Variants in TBP observed in about 807,000 individuals in gnomAD.
TBP encodes TATA-box binding protein.
TBP carries 12 observed loss-of-function variants against 46.2 expected under a neutral mutation model. The observed-to-expected ratio is 0.26, with a 90% CI of 0.17 to 0.42. The LOEUF (loss-of-function observed/expected upper bound fraction) is 0.42, where lower values mean the gene tolerates loss of function less well. TBP is among the 10% of genes least tolerant of loss of function. The pLI, the probability that TBP is intolerant of heterozygous loss-of-function variation, is 1.00. For synonymous variants in TBP, 157 were observed against 148.3 expected, an observed-to-expected ratio of 1.06 and a Z score of -0.42; for missense variants, 229 against 403.1, an observed-to-expected ratio of 0.57 and a Z score of 3.70.
At chr6:170,556,392 G>C (rs1015319604) in intron 1 of TBP, among the ~76,000 whole-genome samples, 6 of 151,546 alleles carry the variant, frequency 4.0e-5, no homozygotes, top group Non-Finnish European at 7.4e-5. Flanking sequence ...TTTCATTACA[G>C]TAGGAGCTTG....
intron 4 of TBP, among the ~76,000 whole-genome samples, chr6:170,565,611 T>C (rs1346764716): frequency 6.6e-6 from 1 of 152,272 alleles, no homozygotes; most frequent in Non-Finnish European, 1.5e-5. Flanking sequence ...TACATAATTT[T>C]ATTACTTTAC....
At position 170,561,973 on chromosome 6, in the gene TBP, G is replaced by GCAA; in HGVS notation, c.239_240insACA (p.Gln95dup). On this transcript the variant is annotated inframe_insertion, in exon 3 of 8. Coordinates refer to ENST00000392092, the MANE Select transcript of TBP (RefSeq NM_003194.5). Reference sequence around the variant, plus strand: ...AGCAACAGCAACAGCAGCAGCAGCAGCAGCAGCAGCAGCAGCAGCAGCAGC... The same window carrying GCAA: ...AGCAACAGCAACAGCAGCAGCAGCAGCAACAGCAGCAGCAGCAGCAGCAGCAGC... The GCAA allele has an allele frequency of 4.4e-6, 6 of 1,377,152 alleles. No individual in the cohort carries two copies. In the South Asian group the frequency reaches 8.0e-5, roughly 18 times the overall value. 85.3% of individuals were successfully genotyped at this position (1,377,152 alleles called of 1,614,324 possible).
At chr6:170,563,513 T>TCATAAGTGGA (rs1779187279) in intron 3 of TBP, among the ~76,000 whole-genome samples, 1 of 152,262 alleles carries the variant, frequency 6.6e-6, no homozygotes, top group Admixed American at 6.5e-5. Context: ...TTGGTATAGT[T>TCATAAGTGGA]CATAAGTGGA....
intron 5 of TBP, among the ~76,000 whole-genome samples, chr6:170,568,733 G>T (rs1779312577): frequency 6.8e-6 from 1 of 147,114 alleles, no homozygotes; most frequent in South Asian, 2.2e-4. Context: ...GATTACAGGT[G>T]TGAGCCACCG....
Position 170,561,958 on chromosome 6 carries a change from A to AGCAGCAGCAG in TBP, c.222_223insGCAGCAGCAG (p.Gln75AlafsTer106), listed in dbSNP as rs1779150506. On this transcript the variant is annotated frameshift_variant, in exon 3 of 8. Coordinates refer to ENST00000392092, the MANE Select transcript of TBP (RefSeq NM_003194.5). LOFTEE classifies it high-confidence loss of function. ...AGCAGCAGCAGCAGCAGCAACAGCA[A>AGCAGCAGCAG]CAGCAGCAGCAGCAGCAGCAGCAGC... is the stretch of plus-strand genomic sequence containing the variant. The AGCAGCAGCAG allele has an allele frequency of 3.1e-5, 44 of 1,405,158 alleles. No individual in the cohort carries two copies. The East Asian group carries it at 7.2e-4, about 23-fold the overall frequency. The allele number at this position is 1,405,158 out of a possible 1,614,324, so 87.0% of individuals were successfully genotyped here.
intron 2 of TBP, 152 bp downstream of exon 2, chr6:170,557,235 T>G: frequency 1.4e-6 from 1 of 698,352 alleles, no homozygotes; most frequent in Non-Finnish European, 2.4e-6. Context: ...TCTATTAGGC[T>G]TTGAATAGGC....
Position 170,572,332 on chromosome 6 carries a change from T to G in TBP, c.*67T>G. 7.7e-7 allele frequency: 1 copy of G among 1,304,590 alleles called. No individual in the cohort carries two copies. The highest frequency in any genetic ancestry group is 1.1e-6 in the Non-Finnish European group (1 of 914,880). 80.8% of individuals were successfully genotyped at this position (1,304,590 alleles called of 1,614,324 possible). On this transcript the variant is annotated 3_prime_UTR_variant, in exon 8 of 8. Transcript: ENST00000392092. The stretch of plus-strand genomic sequence containing the variant: ...TTTTTTTTAAACAAATCAGTTTGTT[T>G]TGGTACCTTTAAATGGTGGTGTTGT...
rs1275076534 is a variant in TBP at position 170,569,681 on chromosome 6, GT to G, written c.749del (p.Phe250SerfsTer15). ...TACAGAAGTTGGGTTTTCCAGCTAAGTTCTTGGACTTCAAGATTCAGAATAT... is the reference window on the plus strand; with the variant it reads ...TACAGAAGTTGGGTTTTCCAGCTAAGTCTTGGACTTCAAGATTCAGAATAT... Reference protein sequence around the residue: ...VVQKLGFPAKFLDFKIQNMVG... With the variant: ...VVQKLGFPAKXLDFKIQNMVG... On this transcript the variant is annotated frameshift_variant, in exon 6 of 8. Coordinates refer to ENST00000392092, the MANE Select transcript of TBP (RefSeq NM_003194.5). LOFTEE classifies it high-confidence loss of function. The G allele has an allele frequency of 6.2e-7, 1 of 1,614,174 alleles. No homozygotes were observed.
intron 6 of TBP, 111 bp downstream of exon 6, chr6:170,569,890 G>A (rs1187626882): frequency 9.9e-7 from 1 of 1,007,182 alleles, no homozygotes; most frequent in African/African-American, 1.6e-5. Context: ...CAGTTGACAT[G>A]GTTATAGTTG....
chr6:170,565,676 A>T (rs1018549816), intron 4 of TBP, among the ~76,000 whole-genome samples: 3 of 152,240 alleles, frequency 2.0e-5, no homozygotes, highest in African/African-American at 7.2e-5. Context: ...TGGAAATTCA[A>T]AATAGCTAGG....
In TBP at chr6:170,562,219, T is replaced by C. The variant is rs759229912; in HGVS notation, c.483T>C (p.Ile161=). ...PATPASESSG[I]VPQLQNIVST... ...CGCCAGCTTCGGAGAGTTCTGGGAT[T>C]GTACCGCAGCTGCAGTGAGTACTTC... The change falls in exon 3 of 8, where the codon ATT becomes ATC. Residue 161 remains isoleucine (I), a synonymous_variant. Coordinates refer to ENST00000392092, the MANE Select transcript of TBP (RefSeq NM_003194.5). 3.1e-6 allele frequency: 5 copies of C among 1,613,920 alleles called. No homozygotes were observed. In the South Asian group the frequency reaches 3.3e-5, roughly 11 times the overall value.
intron 5 of TBP, among the ~76,000 whole-genome samples, chr6:170,568,695 C>T (rs886906594): frequency 3.3e-5 from 5 of 151,462 alleles, no homozygotes; most frequent in Admixed American, 1.3e-4. Flanking sequence ...CCTCATGATC[C>T]GCCTGCCTCA....
chr6:170,555,333 A>C (rs1270467139), intron 1 of TBP, among the ~76,000 whole-genome samples: 1 of 152,142 alleles, frequency 6.6e-6, no homozygotes, highest in African/African-American at 2.4e-5. Flanking sequence ...ACTCCTCTCA[A>C]ATTCATCTAG....
intron 6 of TBP, 105 bp from the exon 7 acceptor site, chr6:170,571,305 C>T (rs1779362559): frequency 2.7e-6 from 2 of 753,028 alleles, no homozygotes; most frequent in South Asian, 3.5e-5. Flanking sequence ...TGTTTTACCT[C>T]TTGACTAGTT....
At position 170,556,938 on chromosome 6, in the gene TBP, A is replaced by G; in HGVS notation, c.-92A>G. 1.7e-6 allele frequency: 2 copies of G among 1,165,964 alleles called. No homozygotes were observed. Among genetic ancestry groups the G allele is most frequent in the Non-Finnish European group, 2.6e-6 (2 of 782,674 alleles). 72.2% of individuals were successfully genotyped at this position (1,165,964 alleles called of 1,614,324 possible). ...CAAGGAATTGAGGAAGTTGCTGAGA[A>G]GAGTGTGCTGGAGATGCTCTAGGAA... On this transcript the variant is annotated 5_prime_UTR_variant, in exon 2 of 8. Coordinates refer to ENST00000392092, the MANE Select transcript of TBP (RefSeq NM_003194.5).
At chr6:170,568,816 T>C (rs1779317827) in intron 5 of TBP, among the ~76,000 whole-genome samples, 1 of 59,042 alleles carries the variant, frequency 1.7e-5, no homozygotes, top group Non-Finnish European at 3.4e-5. Flanking sequence ...TTTCCTTTTC[T>C]TTTTTTTTTT....
chr6:170,568,820 T>TTTTTTTTC (rs1779319909), intron 5 of TBP, among the ~76,000 whole-genome samples: 1 of 45,354 alleles, frequency 2.2e-5, no homozygotes, highest in African/African-American at 1.3e-4. Flanking sequence ...CTTTTCTTTT[T>TTTTTTTTC]TTTTTTTTTT....
At chr6:170,571,170 G>A (rs528549501) in intron 6 of TBP, among the ~76,000 whole-genome samples, 18 of 152,242 alleles carry the variant, frequency 1.2e-4, no homozygotes, top group African/African-American at 4.3e-4. Flanking sequence ...AGATTCAATA[G>A]AAATAGGGTA....
At chr6:170,571,621 G>T in intron 7 of TBP, 117 bp downstream of exon 7, 1 of 754,726 alleles carries the variant, frequency 1.3e-6, no homozygotes, top group Admixed American at 2.4e-5. Context: ...TTGTACAAAG[G>T]CCTCCCACCC....
Sources: allele counts gnomAD v4.1 joint callset (sites outside exome capture counted in the v4.1 genomes callset), GRCh38; gene constraint gnomAD v4.1.1; transcripts MANE v1.5; gene names NCBI Gene and HGNC (gene_info 2026-07-23, HGNC 2026-07-21).